The following CACNA1A variants were observed in gnomAD, a reference collection of about 807,000 sequenced individuals.
The protein encoded by CACNA1A is voltage-dependent P/Q-type calcium channel subunit alpha-1A.
A neutral mutation model predicts 262.4 loss-of-function variants in CACNA1A; 57 were observed. The observed-to-expected ratio is 0.22, with a 90% CI of 0.18 to 0.27. The LOEUF (loss-of-function observed/expected upper bound fraction) is 0.27, where lower values mean the gene tolerates loss of function less well. CACNA1A is among the 10% of genes least tolerant of loss of function. The probability of loss-of-function intolerance (pLI) is 1.00; values close to 1 mark genes in which losing one functional copy is unlikely to be tolerated. For synonymous variants in CACNA1A, 1,431 were observed against 1,419.3 expected (o/e 1.01, Z -0.18); for missense variants, 2,526 against 3,562.8 (o/e 0.71, Z 7.41).
chr19:13,207,590 T>C lies in CACNA1A; in HGVS notation c.7244A>G (p.Tyr2415Cys). The change falls in exon 47 of 47, where the codon TAC becomes TGC. Residue 2415 changes from tyrosine (Y) to cysteine (C), a missense_variant. Physicochemically the swap from Tyr to Cys is radical, Grantham distance 194. Around this residue, in one of 17 missense-constraint regions of CACNA1A, gnomAD observed 929 missense variants for 868.1 expected, o/e 1.07. Coordinates refer to ENST00000360228, the MANE Select transcript of CACNA1A (RefSeq NM_001127222.2). This position sits in a 1 kb window ranked among gnomAD's most constrained non-coding sequence, Gnocchi z 5.7. Reference sequence around the variant, plus strand: ...GCTGCCCGGGCCATCGGCCTCGTCGTAGTCGGAGCCCCGGTAGTAGCCATG... The same window carrying C: ...GCTGCCCGGGCCATCGGCCTCGTCGCAGTCGGAGCCCCGGTAGTAGCCATG... ...RHHGYYRGSD[Y>C]DEADGPGSGG... 1 of 1,481,288 alleles carries C rather than the reference T, an allele frequency of 6.8e-7. No individual in the cohort carries two copies. The highest frequency in any genetic ancestry group is 9.0e-7 in the Non-Finnish European group (1 of 1,116,130). 91.8% of individuals were successfully genotyped at this position (1,481,288 alleles called of 1,614,324 possible).
intron 3 of CACNA1A, among the ~76,000 whole-genome samples, chr19:13,437,559 CGT>C (rs2060632551): frequency 6.6e-6 from 1 of 151,896 alleles, no homozygotes; most frequent in Non-Finnish European, 1.5e-5. Context: ...GGTATGGTGG[CGT>C]GCTCCTGTAA....
chr19:13,340,276 G>A (rs2058654773), intron 6 of CACNA1A, among the ~76,000 whole-genome samples: 1 of 152,022 alleles, frequency 6.6e-6, no homozygotes. Context: ...GGGAACCTCT[G>A]GCCACAGGAC....
chr19:13,219,963 A>G (rs112333079), intron 38 of CACNA1A, among the ~76,000 whole-genome samples: 1,616 of 146,912 alleles, frequency 0.011, 30 homozygotes, highest in African/African-American at 0.03. Flanking sequence ...AAAAAAAAAA[A>G]AAAGAAAGAA....
At chr19:13,235,762 C>T (rs2055852965) in intron 31 of CACNA1A, 32 bp from the exon 32 acceptor site, 2 of 1,500,046 alleles carry the variant, frequency 1.3e-6, no homozygotes, top group Non-Finnish European at 1.9e-6. Context: ...GGTGACCATC[C>T]ACCCACCCCA....
intron 5 of CACNA1A, among the ~76,000 whole-genome samples, chr19:13,361,754 A>G (rs571274637): frequency 1.2e-4 from 19 of 152,204 alleles, no homozygotes; most frequent in Non-Finnish European, 2.5e-4. Context: ...GACTTGGTAC[A>G]TGAACTATTA....
chr19:13,322,735 A>G (rs2058280534), intron 10 of CACNA1A, among the ~76,000 whole-genome samples: 1 of 151,960 alleles, frequency 6.6e-6, no homozygotes, highest in Non-Finnish European at 1.5e-5. Context: ...AGCTGGGACT[A>G]CAGGTGTGCA....
chr19:13,485,007 C>G (rs28592203), intron 1 of CACNA1A, among the ~76,000 whole-genome samples: 2 of 152,172 alleles, frequency 1.3e-5, no homozygotes, highest in Admixed American at 1.3e-4. Flanking sequence ...CTGTCATATC[C>G]GTCACTGTAA....
chr19:13,323,406 C>T (rs930913692), intron 10 of CACNA1A, among the ~76,000 whole-genome samples: 1 of 152,100 alleles, frequency 6.6e-6, no homozygotes, highest in Non-Finnish European at 1.5e-5. Context: ...TACCTGTTGG[C>T]CACTTGTATG....
intron 3 of CACNA1A, among the ~76,000 whole-genome samples, chr19:13,422,666 C>T (rs562416489): frequency 5.3e-4 from 81 of 152,314 alleles, no homozygotes; most frequent in African/African-American, 1.9e-3. Flanking sequence ...CCCTGGGACA[C>T]ACGGTATCAG....
chr19:13,399,836 C>G (rs1306749290), intron 3 of CACNA1A, among the ~76,000 whole-genome samples: 1 of 152,094 alleles, frequency 6.6e-6, no homozygotes, highest in Non-Finnish European at 1.5e-5. Context: ...TAGGAAAGGG[C>G]CATGGGGAGT....
intron 36 of CACNA1A, chr19:13,228,637 A>G: frequency 7.8e-6 from 4 of 515,166 alleles, no homozygotes; most frequent in Non-Finnish European, 1.3e-5. Context: ...AAATATATAT[A>G]TTGAAGAACC....
chr19:13,310,526 A>AGAGAGT, intron 12 of CACNA1A, among the ~76,000 whole-genome samples: 1 of 118,636 alleles, frequency 8.4e-6, no homozygotes, highest in Non-Finnish European at 1.7e-5. Flanking sequence ...AGAGAGAGAG[A>AGAGAGT]GAGAGTTTAA....
At chr19:13,293,614 ATT>A (rs200663204) in intron 19 of CACNA1A, among the ~76,000 whole-genome samples, 4 of 137,874 alleles carry the variant, frequency 2.9e-5, no homozygotes, top group Non-Finnish European at 3.1e-5. Context: ...CGCCCGGCTA[ATT>A]TTTTTTTTTT....
intron 38 of CACNA1A, among the ~76,000 whole-genome samples, chr19:13,223,509 C>T (rs992795964): frequency 1.3e-5 from 2 of 152,266 alleles, no homozygotes; most frequent in East Asian, 1.9e-4. Context: ...TCTAAGCTGC[C>T]GCCCTGTCTC....
At chr19:13,387,065 C>T (rs984412669) in intron 3 of CACNA1A, among the ~76,000 whole-genome samples, 5 of 151,994 alleles carry the variant, frequency 3.3e-5, no homozygotes, top group Non-Finnish European at 5.9e-5. Context: ...GTTTCTCCTG[C>T]CTCAGCCTCC....
rs1979273318 is a variant in CACNA1A, at chr19:13,481,268, G to A, written c.293+24664C>T. Among the ~76,000 whole-genome samples the A allele has an allele frequency of 3.3e-5, 5 of 152,212 alleles. No individual in the cohort carries two copies. In the South Asian group the frequency reaches 1.0e-3, roughly 32 times the overall value. On this transcript the variant is annotated intron_variant, in intron 1 of 46. Coordinates refer to ENST00000360228, the MANE Select transcript of CACNA1A (RefSeq NM_001127222.2). ...GAGAGCTGGCAAAGTTGGGGAGAGG[G>A]TGATAAAAACTAGGAATCACGGCTC... is the stretch of plus-strand genomic sequence containing the variant.
chr19:13,210,217 C>T (rs1223453999), intron 44 of CACNA1A, among the ~76,000 whole-genome samples: 2 of 152,170 alleles, frequency 1.3e-5, no homozygotes, highest in South Asian at 2.1e-4. Flanking sequence ...GGCAGACGCC[C>T]GCCTCCCAGG....
intron 35 of CACNA1A, among the ~76,000 whole-genome samples, chr19:13,230,721 C>T (rs984471588): frequency 6.6e-6 from 1 of 151,648 alleles, no homozygotes; most frequent in Non-Finnish European, 1.5e-5. Flanking sequence ...GCTGAAGAAT[C>T]GGTTGAACCT....
At chr19:13,472,065 C>A (rs549346093) in intron 1 of CACNA1A, among the ~76,000 whole-genome samples, 3 of 152,116 alleles carry the variant, frequency 2.0e-5, no homozygotes, top group Admixed American at 6.5e-5. Context: ...GGGGCTCCAG[C>A]AATCCTCCTA....
Sources: gnomAD v4.1 joint callset for allele counts (sites outside exome capture counted in the v4.1 genomes callset) on GRCh38, gnomAD v4.1.1 for gene constraint, gnomAD v4.1.1 regional missense constraint, Gnocchi (gnomAD v3.1) non-coding constraint, MANE v1.5 for transcripts, NCBI Gene and HGNC (gene_info 2026-07-23, HGNC 2026-07-21) for gene names.